Variants in NEBL observed in about 807,000 individuals in gnomAD.
NEBL encodes the protein LIM and SH3 protein 2.
A neutral mutation model predicts 140.2 loss-of-function variants in NEBL; 122 were observed. The observed-to-expected ratio is 0.87, with a 90% CI of 0.75 to 1.01. NEBL has a LOEUF of 1.01. Among genes scored for constraint, NEBL ranks in the 50% least tolerant of loss-of-function variants. The probability of loss-of-function intolerance (pLI) is 0.00; values close to 1 mark genes in which losing one functional copy is unlikely to be tolerated. For synonymous variants in NEBL, 436 were observed against 398.9 expected (o/e 1.09, Z -1.11); for missense variants, 1,365 against 1,231.3 (o/e 1.11, Z -1.62).
At chr10:21,254,881 C>G (rs1842634900) in intron 1 of NEBL, among the ~76,000 whole-genome samples, 1 of 152,078 alleles carries the variant, frequency 6.6e-6, no homozygotes, top group African/African-American at 2.4e-5. Context: ...AATGGACACA[C>G]CAGGGCCGCT....
intron 2 of NEBL, among the ~76,000 whole-genome samples, chr10:21,090,818 T>C (rs942056535): frequency 3.3e-5 from 5 of 152,152 alleles, no homozygotes; most frequent in African/African-American, 1.2e-4. Flanking sequence ...CACTTCCTGT[T>C]TGTGGTTCAG....
At chr10:21,268,226 T>C (rs1315128935) in intron 1 of NEBL, among the ~76,000 whole-genome samples, 1 of 152,140 alleles carries the variant, frequency 6.6e-6, no homozygotes, top group Non-Finnish European at 1.5e-5. Flanking sequence ...CCCAGCACTT[T>C]GGGAGGCTGA....
chr10:21,242,088 G>A (rs1842447140), intron 3 of NEBL, among the ~76,000 whole-genome samples: 2 of 152,158 alleles, frequency 1.3e-5, no homozygotes, highest in South Asian at 2.1e-4. Flanking sequence ...TGTGGTCCCA[G>A]CTACTTGGGA....
intron 2 of NEBL, among the ~76,000 whole-genome samples, chr10:21,152,600 G>C (rs915544909): frequency 3.3e-5 from 5 of 151,010 alleles, no homozygotes; most frequent in African/African-American, 1.2e-4. Context: ...AAAAAATCCA[G>C]AGCAACAAAA....
At chr10:20,971,246 A>G (rs1836556805) in intron 3 of NEBL, among the ~76,000 whole-genome samples, 1 of 152,228 alleles carries the variant, frequency 6.6e-6, no homozygotes, top group Non-Finnish European at 1.5e-5. Flanking sequence ...ATCTATATTA[A>G]TAAGGAAAAT....
At chr10:20,788,336 A>G (rs1028412608) in intron 26 of NEBL, among the ~76,000 whole-genome samples, 3 of 152,162 alleles carry the variant, frequency 2.0e-5, no homozygotes, top group African/African-American at 7.2e-5. Context: ...TTGTTTAATC[A>G]GGTTGAGTAT....
chr10:21,212,407 C>G (rs905535409), intron 3 of NEBL, among the ~76,000 whole-genome samples: 2 of 152,134 alleles, frequency 1.3e-5, no homozygotes, highest in African/African-American at 4.8e-5. Context: ...TTTCGAACAC[C>G]CAGCGCTAAC....
intron 3 of NEBL, among the ~76,000 whole-genome samples, chr10:20,970,291 G>A (rs1333617039): frequency 6.6e-6 from 1 of 152,194 alleles, no homozygotes; most frequent in African/African-American, 2.4e-5. Context: ...CCCATGGCCA[G>A]GGACTGTGCA....
At chr10:21,223,789 G>A (rs1842106548) in intron 3 of NEBL, among the ~76,000 whole-genome samples, 1 of 152,214 alleles carries the variant, frequency 6.6e-6, no homozygotes, top group Admixed American at 6.5e-5. Flanking sequence ...GATGATCAAT[G>A]ATGTTGAGCA....
At chr10:20,974,092 G>C (rs1589096236) in intron 3 of NEBL, among the ~76,000 whole-genome samples, 1 of 152,088 alleles carries the variant, frequency 6.6e-6, no homozygotes, top group South Asian at 2.1e-4. Context: ...TGGTTTAGTG[G>C]TTACAACCCA....
chr10:21,189,674 A>G (rs771546743), intron 3 of NEBL, among the ~76,000 whole-genome samples: 15 of 151,894 alleles, frequency 9.9e-5, no homozygotes, highest in South Asian at 8.3e-4. Flanking sequence ...TCACTGTGTT[A>G]GCCAGGATGG....
intron 2 of NEBL, among the ~76,000 whole-genome samples, chr10:21,149,175 T>C (rs1006524530): frequency 2.6e-5 from 4 of 152,192 alleles, no homozygotes; most frequent in Admixed American, 2.6e-4. Flanking sequence ...GAGAACACTG[T>C]AGTGAGAACT....
At chr10:21,288,618 G>A (rs527284630) in intron 1 of NEBL, among the ~76,000 whole-genome samples, 13 of 149,692 alleles carry the variant, frequency 8.7e-5, no homozygotes, top group South Asian at 2.1e-4. Flanking sequence ...AAAATTAGCC[G>A]GGCCTGCTGG....
At chr10:21,013,444 C>G (rs1297902685) in intron 3 of NEBL, among the ~76,000 whole-genome samples, 1 of 152,078 alleles carries the variant, frequency 6.6e-6, no homozygotes, top group African/African-American at 2.4e-5. Flanking sequence ...TGTAAAGCTG[C>G]CAAAATGGCG....
At chr10:20,812,987 C>A in intron 23 of NEBL, 47 bp from the exon 24 acceptor site, 1 of 1,491,684 alleles carries the variant, frequency 6.7e-7, no homozygotes. Context: ...ATAGTTACCT[C>A]TTTCACAACA....
chr10:20,818,706 A>T (rs1838979463), intron 20 of NEBL: 7 of 820,322 alleles, frequency 8.5e-6, no homozygotes, highest in Non-Finnish European at 8.8e-6. Flanking sequence ...GGTCTTACCC[A>T]TCTTTGTGTC....
intron 2 of NEBL, among the ~76,000 whole-genome samples, chr10:21,146,859 G>A (rs1017905568): frequency 6.6e-6 from 1 of 151,840 alleles, no homozygotes; most frequent in Non-Finnish European, 1.5e-5. Flanking sequence ...TAATCAATTC[G>A]GACACAATTA....
chr10:20,947,683 A>T (rs1589058156), intron 4 of NEBL, among the ~76,000 whole-genome samples: 2 of 40,312 alleles, frequency 5.0e-5, no homozygotes, highest in Non-Finnish European at 1.5e-4. Flanking sequence ...CTGAGAAATC[A>T]CACACACACA....
intron 4 of NEBL, among the ~76,000 whole-genome samples, chr10:20,949,692 T>C (rs1470365493): frequency 3.3e-5 from 5 of 152,206 alleles, no homozygotes; most frequent in African/African-American, 9.7e-5. Flanking sequence ...ACTTGAACAT[T>C]TGCAATGTTT....
Sources: allele counts gnomAD v4.1 joint callset (sites outside exome capture counted in the v4.1 genomes callset), GRCh38; gene constraint gnomAD v4.1.1; transcripts MANE v1.5; gene names NCBI Gene and HGNC (gene_info 2026-07-23, HGNC 2026-07-21).